COPB1: variants seen among roughly 807,000 people sequenced by gnomAD.
COPB1 encodes the protein coat protein complex I subunit beta 1, also known as coatomer subunit beta.
COPB1 carries 21 observed loss-of-function variants against 108.7 expected under a neutral mutation model. The ratio of observed to expected loss-of-function variants is 0.19; its 90% CI spans 0.14 to 0.28. The LOEUF (loss-of-function observed/expected upper bound fraction) is 0.28, where lower values mean the gene tolerates loss of function less well. Ranked by LOEUF, COPB1 falls within the 10% of genes least tolerant of loss-of-function variation. COPB1 has a pLI of 1.00. For synonymous variants in COPB1, 378 were observed against 386.8 expected, an observed-to-expected ratio of 0.98 and a Z score of 0.27; for missense variants, 919 against 1,141.3, an observed-to-expected ratio of 0.81 and a Z score of 2.81.
intron 12 of COPB1, among the ~76,000 whole-genome samples, chr11:14,476,506 G>A (rs771815140): frequency 4.6e-5 from 7 of 152,086 alleles, no homozygotes; most frequent in Non-Finnish European, 1.0e-4. Context: ...TATTTTATAG[G>A]TGAAAAACAC....
At chr11:14,496,697 A>C (rs1375569954) in intron 2 of COPB1, among the ~76,000 whole-genome samples, 1 of 151,932 alleles carries the variant, frequency 6.6e-6, no homozygotes, top group Non-Finnish European at 1.5e-5. Context: ...AAAAAAAAAA[A>C]ATCCTAAAAT....
At chr11:14,462,930 A>G (rs1462431346) in intron 18 of COPB1, among the ~76,000 whole-genome samples, 2 of 152,132 alleles carry the variant, frequency 1.3e-5, no homozygotes, top group African/African-American at 4.8e-5. Flanking sequence ...TATCAAAGCC[A>G]AGATCCTACA....
intron 18 of COPB1, among the ~76,000 whole-genome samples, chr11:14,462,977 C>T (rs1260189164): frequency 2.6e-5 from 4 of 152,086 alleles, no homozygotes; most frequent in East Asian, 1.9e-4. Context: ...TTCTTCATAT[C>T]GTATTTAGTC....
At chr11:14,461,511 C>T (rs1369364845) in intron 18 of COPB1, among the ~76,000 whole-genome samples, 180 bp from the exon 19 acceptor site, 1 of 152,128 alleles carries the variant, frequency 6.6e-6, no homozygotes, top group Non-Finnish European at 1.5e-5. Context: ...ATACTCCCAT[C>T]AATTCTGATA....
intron 1 of COPB1, among the ~76,000 whole-genome samples, chr11:14,499,384 T>C (rs920270427): frequency 2.0e-5 from 3 of 152,204 alleles, no homozygotes; most frequent in African/African-American, 7.2e-5. Context: ...GTTCCGACTC[T>C]ATGTCCGCGG....
chr11:14,470,373 C>T (rs368173131), intron 14 of COPB1, among the ~76,000 whole-genome samples: 2 of 152,118 alleles, frequency 1.3e-5, no homozygotes, highest in Admixed American at 6.5e-5. Context: ...TGCTGCTAAG[C>T]GTGATCACCT....
At chr11:14,472,422 GCA>G (rs955126399) in intron 14 of COPB1, among the ~76,000 whole-genome samples, 3 of 152,190 alleles carry the variant, frequency 2.0e-5, no homozygotes, top group Non-Finnish European at 2.9e-5. Context: ...CACTGACAGA[GCA>G]CAGACAGAGT....
At chr11:14,470,914 AC>A (rs1390663766) in intron 14 of COPB1, among the ~76,000 whole-genome samples, 3 of 55,666 alleles carry the variant, frequency 5.4e-5, no homozygotes. Flanking sequence ...ACACACACAC[AC>A]ACACACACAC....
chr11:14,495,874 G>C (rs1023575392), intron 2 of COPB1, among the ~76,000 whole-genome samples: 10 of 152,196 alleles, frequency 6.6e-5, no homozygotes, highest in Middle Eastern at 3.4e-3. Context: ...AAACACTAAT[G>C]AATGTATTCA....
chr11:14,490,069 T>C (rs1422953510), intron 5 of COPB1, among the ~76,000 whole-genome samples: 24 of 152,162 alleles, frequency 1.6e-4, no homozygotes, highest in Admixed American at 1.5e-3. Context: ...GGCATCAAGG[T>C]GTACAGAGTA....
Position 14,494,304 on chromosome 11 carries a change from T to G in COPB1, c.227A>C (p.Lys76Thr). Residue 76 changes from lysine (K) to threonine (T), a missense_variant, in exon 3 of 22, where the codon AAA becomes ACA. Lys to Thr is a moderately conservative substitution (Grantham distance 78, BLOSUM62 -1). Coordinates refer to ENST00000439561, the MANE Select transcript of COPB1 (RefSeq NM_001144061.2). ...AATTTCCCAAAATACCAGAAGTAAT[T>G]TCTTGATAGTGTGATCCTGAAGAGG... Reference protein sequence around the residue: ...VLPLQDHTIKKLLLVFWEIVP... With the variant: ...VLPLQDHTIKTLLLVFWEIVP... 1 of 1,613,808 alleles carries G rather than the reference T, an allele frequency of 6.2e-7. No individual in the cohort carries two copies. Among genetic ancestry groups the G allele is most frequent in the South Asian group, 1.1e-5 (1 of 91,076 alleles).
chr11:14,468,336 A>G (rs944346214), intron 16 of COPB1, among the ~76,000 whole-genome samples: 16 of 152,342 alleles, frequency 1.1e-4, no homozygotes, highest in Admixed American at 9.1e-4. Context: ...GTAGCAGAGA[A>G]TAAGAGAAGG....
intron 18 of COPB1, among the ~76,000 whole-genome samples, 199 bp from the exon 19 acceptor site, chr11:14,461,530 A>G (rs998777603): frequency 2.0e-5 from 3 of 152,180 alleles, no homozygotes; most frequent in Non-Finnish European, 2.9e-5. Flanking sequence ...TAGTATTATT[A>G]TTTTCCATCT....
rs776618210 is a variant in COPB1 at position 14,458,572 on chromosome 11, G to C, written c.2762C>G (p.Ala921Gly). ...AATTCTTATATGGCCGGTAACAGCA[G>C]CATCTGGTCCCTGGTGAATTGGCTT... is the stretch of plus-strand genomic sequence containing the variant. ...IEKPIHQGPD[A>G]AVTGHIRIRA... Residue 921 changes from alanine (A) to glycine (G), a missense_variant, in exon 21 of 22, where the codon GCT becomes GGT. Physicochemically the swap from Ala to Gly is moderately conservative, Grantham distance 60. Coordinates refer to ENST00000439561, the MANE Select transcript of COPB1 (RefSeq NM_001144061.2). 11 of 1,612,988 alleles carry C rather than the reference G, an allele frequency of 6.8e-6. No homozygotes were observed. Among genetic ancestry groups the C allele is most frequent in the Non-Finnish European group, 8.5e-6 (10 of 1,179,606 alleles).
Position 14,460,220 on chromosome 11 carries a change from C to A in COPB1, c.2634G>T (p.Leu878=). 6.2e-7 allele frequency: 1 copy of A among 1,606,662 alleles called. No individual in the cohort carries two copies. Among genetic ancestry groups the A allele is most frequent in the South Asian group, 1.1e-5 (1 of 90,616 alleles). ...AGTCAAATTTTACCTTTTCTGGAGT[C>A]AGGCATTTCATATTGGTTGACTTTA... ...HILKSTNMKC[L]TPEKALSGYC... The change falls in exon 20 of 22, where the codon CTG becomes CTT. Residue 878 remains leucine (L), a synonymous_variant. Transcript: ENST00000439561.
intron 11 of COPB1, among the ~76,000 whole-genome samples, chr11:14,478,200 A>C (rs1177618362): frequency 6.6e-6 from 1 of 152,018 alleles, no homozygotes. Context: ...AAAATAAAAT[A>C]CCAAAATGTT....
At chr11:14,462,604 C>A (rs1188534110) in intron 18 of COPB1, among the ~76,000 whole-genome samples, 1 of 152,132 alleles carries the variant, frequency 6.6e-6, no homozygotes, top group East Asian at 1.9e-4. Context: ...AGAATAAGCT[C>A]CTTTAATTTT....
Position 14,474,523 on chromosome 11 carries a change from G to A in COPB1, c.1709C>T (p.Ala570Val), listed in dbSNP as rs1171169837. ...TTGCTTTTTCTTCTCCTGAACCAAA[G>A]CTACATAGCGCAATGCAATCTTGGT... Reference protein sequence around the residue: ...TLTKIALRYVALVQEKKKQNS... With the variant: ...TLTKIALRYVVLVQEKKKQNS... The change falls in exon 14 of 22, where the codon GCT becomes GTT. Residue 570 changes from alanine (A) to valine (V), a missense_variant. Ala to Val is a moderately conservative substitution (Grantham distance 64, BLOSUM62 0). Around this residue, in one of 5 missense-constraint regions of COPB1, gnomAD observed 705 missense variants for 817.8 expected, o/e 0.86. Coordinates refer to ENST00000439561, the MANE Select transcript of COPB1 (RefSeq NM_001144061.2). 6.2e-7 allele frequency: 1 copy of A among 1,613,224 alleles called. No homozygotes were observed. Among genetic ancestry groups the A allele is most frequent in the Admixed American group, 1.7e-5 (1 of 59,932 alleles).
intron 2 of COPB1, among the ~76,000 whole-genome samples, chr11:14,498,143 A>G (rs1198402707): frequency 6.6e-6 from 1 of 152,204 alleles, no homozygotes; most frequent in African/African-American, 2.4e-5. Context: ...TAATAATTTA[A>G]TTGGACATTT....
Sources: gnomAD v4.1 joint callset for allele counts (sites outside exome capture counted in the v4.1 genomes callset) on GRCh38, gnomAD v4.1.1 for gene constraint, gnomAD v4.1.1 regional missense constraint, MANE v1.5 for transcripts, NCBI Gene and HGNC (gene_info 2026-07-23, HGNC 2026-07-21) for gene names.